Variants in GRIK4 observed in about 807,000 individuals in gnomAD.
GRIK4 encodes glutamate ionotropic receptor kainate type subunit 4.
A neutral mutation model predicts 104.9 loss-of-function variants in GRIK4; 40 were observed. The ratio of observed to expected loss-of-function variants is 0.38; its 90% CI spans 0.30 to 0.50. The LOEUF is 0.50. Among genes scored for constraint, GRIK4 ranks in the 20% least tolerant of loss-of-function variants. GRIK4 has a pLI of 0.93. For synonymous variants in GRIK4, 485 were observed against 524.9 expected, an observed-to-expected ratio of 0.92 and a Z score of 1.04; for missense variants, 1,047 against 1,308.1, an observed-to-expected ratio of 0.80 and a Z score of 3.08.
At chr11:120,775,066 AGAGGG>A (rs1454299486) in intron 3 of GRIK4, among the ~76,000 whole-genome samples, 1 of 152,186 alleles carries the variant, frequency 6.6e-6, no homozygotes, top group African/African-American at 2.4e-5. Flanking sequence ...TTGGCATCCC[AGAGGG>A]GCAGTTTATG....
intron 3 of GRIK4, among the ~76,000 whole-genome samples, chr11:120,668,275 AAAAGAGAG>A (rs749161900): frequency 6.6e-6 from 1 of 151,780 alleles, no homozygotes; most frequent in Admixed American, 6.6e-5. Context: ...AAAGAAAGAA[AAAAGAGAG>A]AAAGAGAGAA....
intron 3 of GRIK4, among the ~76,000 whole-genome samples, chr11:120,698,144 A>G (rs1950487235): frequency 6.6e-6 from 1 of 152,236 alleles, no homozygotes; most frequent in South Asian, 2.1e-4. Flanking sequence ...TACTCTGTCA[A>G]GATGAAACCT....
At chr11:120,958,371 C>T (rs1306105695) in intron 16 of GRIK4, among the ~76,000 whole-genome samples, 2 of 152,208 alleles carry the variant, frequency 1.3e-5, no homozygotes, top group Non-Finnish European at 1.5e-5. Context: ...AGGGGCTCAG[C>T]GCGAATGCAA....
chr11:120,713,577 C>T (rs975869798), intron 3 of GRIK4, among the ~76,000 whole-genome samples: 3 of 152,182 alleles, frequency 2.0e-5, no homozygotes, highest in Middle Eastern at 3.2e-3. Context: ...GATTTATGAC[C>T]GTAGCTTGTA....
At position 120,792,419 on chromosome 11, in the gene GRIK4, T is replaced by C. The variant is rs150214201; in HGVS notation, c.83-10274T>C. On this transcript the variant is annotated intron_variant, in intron 3 of 20. Transcript: ENST00000527524. ...AGGATGGAAGCTTTTAAAGCAGGGCTTTACACTTCAAAGCGCACACTCTGG... is the reference window on the plus strand; with the variant it reads ...AGGATGGAAGCTTTTAAAGCAGGGCCTTACACTTCAAAGCGCACACTCTGG... 1.9e-3 allele frequency among the ~76,000 whole-genome samples: 285 copies of C among 151,970 alleles called. 1 individual carries two copies. Among genetic ancestry groups the C allele is most frequent in the Non-Finnish European group, 2.9e-3 (200 of 67,992 alleles).
At chr11:120,745,270 A>C (rs1951419244) in intron 3 of GRIK4, among the ~76,000 whole-genome samples, 1 of 152,190 alleles carries the variant, frequency 6.6e-6, no homozygotes, top group Non-Finnish European at 1.5e-5. Context: ...TCGCCTGCCA[A>C]GTTAACCAGC....
In GRIK4 at chr11:120,952,681, G is replaced by C. The variant is rs930751718; in HGVS notation, c.1591-174G>C. 6.6e-6 allele frequency among the ~76,000 whole-genome samples: 1 copy of C among 152,062 alleles called. No homozygotes were observed. The stretch of plus-strand genomic sequence containing the variant: ...GTCAGGGCTGGGTCGTGTCATTTGC[G>C]CAGCCCGGCAACACCCTCATTCCCA... On this transcript the variant is annotated intron_variant, in intron 14 of 20. Transcript: ENST00000527524. The surrounding 1 kb of genome is among the most constrained non-coding windows in gnomAD (Gnocchi z 5.2).
chr11:120,540,652 AAAC>A (rs1003701533), intron 1 of GRIK4, among the ~76,000 whole-genome samples: 9 of 148,694 alleles, frequency 6.1e-5, no homozygotes, highest in Non-Finnish European at 1.2e-4. Context: ...AATAAAAAAC[AAAC>A]AACAAAAAAA....
intron 1 of GRIK4, among the ~76,000 whole-genome samples, chr11:120,545,980 A>T (rs1948082073): frequency 6.6e-6 from 1 of 151,724 alleles, no homozygotes; most frequent in Non-Finnish European, 1.5e-5. Flanking sequence ...ATCTCTCCTG[A>T]CTTCTGCTTT....
chr11:120,785,624 G>A (rs1301888325), intron 3 of GRIK4, among the ~76,000 whole-genome samples: 2 of 152,210 alleles, frequency 1.3e-5, no homozygotes, highest in Non-Finnish European at 2.9e-5. Context: ...GCTCATATCA[G>A]GGTCAAGTGC....
At chr11:120,715,707 C>G (rs995128369) in intron 3 of GRIK4, among the ~76,000 whole-genome samples, 2 of 152,170 alleles carry the variant, frequency 1.3e-5, no homozygotes, top group Non-Finnish European at 2.9e-5. Context: ...AAGAAAACGT[C>G]CCGTGTTTGC....
At chr11:120,583,117 A>G (rs939127621) in intron 1 of GRIK4, among the ~76,000 whole-genome samples, 1 of 152,190 alleles carries the variant, frequency 6.6e-6, no homozygotes, top group Middle Eastern at 3.4e-3. Flanking sequence ...GATGTTGAGC[A>G]TTTTTTCATG....
intron 13 of GRIK4, among the ~76,000 whole-genome samples, chr11:120,907,754 G>A (rs1343122183): frequency 1.3e-5 from 2 of 152,166 alleles, no homozygotes; most frequent in Non-Finnish European, 2.9e-5. Flanking sequence ...TAGGATGCAC[G>A]GTGGGCGCAC....
chr11:120,636,694 G>T (rs997922033), intron 1 of GRIK4, among the ~76,000 whole-genome samples: 2 of 152,186 alleles, frequency 1.3e-5, no homozygotes, highest in Admixed American at 1.3e-4. Context: ...ACAAAAATTA[G>T]CCGGGTGTGG....
intron 3 of GRIK4, among the ~76,000 whole-genome samples, chr11:120,667,680 T>C (rs1205431786): frequency 1.3e-5 from 2 of 152,212 alleles, no homozygotes; most frequent in Non-Finnish European, 2.9e-5. Flanking sequence ...TTTCCTCCCA[T>C]TGAGCTGAGA....
At chr11:120,614,429 C>T (rs887039710) in intron 1 of GRIK4, among the ~76,000 whole-genome samples, 1 of 152,144 alleles carries the variant, frequency 6.6e-6, no homozygotes, top group African/African-American at 2.4e-5. Context: ...GCATGGGCTG[C>T]ATGAGCTCCA....
chr11:120,849,028 C>T (rs1953916002), intron 8 of GRIK4, among the ~76,000 whole-genome samples: 1 of 152,172 alleles, frequency 6.6e-6, no homozygotes, highest in South Asian at 2.1e-4. Context: ...CAGACAACCC[C>T]TTTGCTGATG....
chr11:120,729,446 A>G (rs1230071901), intron 3 of GRIK4, among the ~76,000 whole-genome samples: 2 of 152,190 alleles, frequency 1.3e-5, no homozygotes. Flanking sequence ...TTTGGATAAA[A>G]GTCGTTTCAA....
chr11:120,963,821 A>G (rs1644171683), intron 18 of GRIK4, among the ~76,000 whole-genome samples: 1 of 152,134 alleles, frequency 6.6e-6, no homozygotes, highest in Non-Finnish European at 1.5e-5. Context: ...TATCTAATTC[A>G]TAAAATTAGG....
Sources: gnomAD v4.1 joint callset for allele counts (sites outside exome capture counted in the v4.1 genomes callset) on GRCh38, gnomAD v4.1.1 for gene constraint, Gnocchi (gnomAD v3.1) non-coding constraint, MANE v1.5 for transcripts, NCBI Gene and HGNC (gene_info 2026-07-23, HGNC 2026-07-21) for gene names.